LRBA: variants seen among roughly 807,000 people sequenced by gnomAD.
LRBA encodes the protein lipopolysaccharide-responsive and beige-like anchor protein.
Under a neutral mutation model 330.0 loss-of-function variants are expected in LRBA, and 176 were observed. That is an observed-to-expected ratio of 0.53 (90% confidence interval 0.47 to 0.60). The LOEUF (loss-of-function observed/expected upper bound fraction) is 0.60, where lower values mean the gene tolerates loss of function less well. LRBA is among the 20% of genes least tolerant of loss of function. The pLI is 0.00. For missense variants in LRBA, 3,259 were observed against 3,444.8 expected (o/e 0.95, Z 1.35); for synonymous variants, 1,230 against 1,193.0 (o/e 1.03, Z -0.64).
At chr4:150,324,829 G>T (rs551131002) in intron 49 of LRBA, among the ~76,000 whole-genome samples, 1 of 151,852 alleles carries the variant, frequency 6.6e-6, no homozygotes, top group Non-Finnish European at 1.5e-5. Flanking sequence ...TTTTTATGAG[G>T]GACAATTGAA....
intron 47 of LRBA, among the ~76,000 whole-genome samples, chr4:150,395,117 A>G (rs1744549414): frequency 6.6e-6 from 1 of 152,182 alleles, no homozygotes; most frequent in Non-Finnish European, 1.5e-5. Flanking sequence ...TCAATCAATT[A>G]TATGCTAATA....
At chr4:150,981,257 C>A (rs1740797899) in intron 2 of LRBA, among the ~76,000 whole-genome samples, 1 of 151,502 alleles carries the variant, frequency 6.6e-6, no homozygotes, top group African/African-American at 2.4e-5. Context: ...ACTAAAAATA[C>A]AAAAAATTAG....
At chr4:150,841,692 G>A (rs868127092) in intron 28 of LRBA, among the ~76,000 whole-genome samples, 2 of 150,050 alleles carry the variant, frequency 1.3e-5, no homozygotes, top group Non-Finnish European at 3.0e-5. Flanking sequence ...TTGCTCTGTC[G>A]CCCAGGCTGG....
intron 40 of LRBA, among the ~76,000 whole-genome samples, chr4:150,508,635 A>G (rs1002563370): frequency 6.6e-6 from 1 of 152,210 alleles, no homozygotes; most frequent in Admixed American, 6.5e-5. Context: ...AAAGAGGGTC[A>G]TTTTATAATA....
At chr4:150,592,125 T>C (rs931668009) in intron 38 of LRBA, among the ~76,000 whole-genome samples, 1 of 138,178 alleles carries the variant, frequency 7.2e-6, no homozygotes, top group East Asian at 2.2e-4. Context: ...GCTTTTGATA[T>C]GGAAATCGGA....
intron 35 of LRBA, among the ~76,000 whole-genome samples, chr4:150,758,960 G>A (rs1292023356): frequency 6.6e-6 from 1 of 151,778 alleles, no homozygotes; most frequent in Non-Finnish European, 1.5e-5. Context: ...TATCTCCCAG[G>A]CTACATTGTA....
At chr4:150,793,349 A>G (rs1740274035) in intron 34 of LRBA, among the ~76,000 whole-genome samples, 1 of 152,172 alleles carries the variant, frequency 6.6e-6, no homozygotes, top group South Asian at 2.1e-4. Context: ...ATGAAAAACC[A>G]AAGGCCCTGC....
At chr4:150,961,371 A>G (rs1040555418) in intron 2 of LRBA, among the ~76,000 whole-genome samples, 1 of 149,420 alleles carries the variant, frequency 6.7e-6, no homozygotes, top group African/African-American at 2.6e-5. Context: ...CCTTATGCAT[A>G]AGAGCTAAAG....
chr4:150,275,149 C>T (rs554981601), intron 56 of LRBA, among the ~76,000 whole-genome samples: 1 of 152,112 alleles, frequency 6.6e-6, no homozygotes, highest in Non-Finnish European at 1.5e-5. Context: ...AAAAGTAATC[C>T]ATCACATAAA....
chr4:150,487,728 G>C lies in LRBA; in HGVS notation c.6551+4C>G, dbSNP rs1758052558. ...TTCCCTAAGTTTCTCATATAAAACA[G>C]TACCTGGTTTGAGGCAATCCAAAAC... On this transcript the variant is annotated splice_donor_region_variant and intron_variant, in intron 42 of 56. Transcript: ENST00000651943. 3 of 1,575,834 alleles carry C rather than the reference G, an allele frequency of 1.9e-6. No homozygotes were observed. The Admixed American group carries it at 5.0e-5, about 27-fold the overall frequency.
At chr4:150,565,744 C>T (rs1049926851) in intron 40 of LRBA, among the ~76,000 whole-genome samples, 3 of 151,884 alleles carry the variant, frequency 2.0e-5, no homozygotes, top group Non-Finnish European at 4.4e-5. Context: ...GCTATACCAC[C>T]TAAGAGTTAT....
At chr4:150,647,851 T>G (rs1323484495) in intron 37 of LRBA, among the ~76,000 whole-genome samples, 4 of 151,878 alleles carry the variant, frequency 2.6e-5, no homozygotes, top group Non-Finnish European at 5.9e-5. Context: ...TTATTGTGGT[T>G]TATCATATTA....
At chr4:150,774,769 C>A (rs1330478828) in intron 34 of LRBA, among the ~76,000 whole-genome samples, 1 of 152,152 alleles carries the variant, frequency 6.6e-6, no homozygotes, top group African/African-American at 2.4e-5. Context: ...CCAGCTTCCC[C>A]TTCCTTCACA....
intron 36 of LRBA, among the ~76,000 whole-genome samples, chr4:150,699,831 T>C (rs1052378298): frequency 6.6e-6 from 1 of 152,188 alleles, no homozygotes; most frequent in South Asian, 2.1e-4. Flanking sequence ...AGAGTAATCA[T>C]GTCTCACTGG....
At chr4:150,872,944 T>C (rs1019605285) in intron 17 of LRBA, among the ~76,000 whole-genome samples, 189 bp from the exon 18 acceptor site, 7 of 152,098 alleles carry the variant, frequency 4.6e-5, no homozygotes, top group Non-Finnish European at 1.0e-4. Context: ...AACTAAGAAA[T>C]GAGAAGAAAT....
rs776609460 is a variant in LRBA at position 150,490,983 on chromosome 4, C to A, written c.6383G>T (p.Arg2128Leu). The stretch of plus-strand genomic sequence containing the variant: ...AAGATAACGACGAGAAAAGATTGAT[C>A]GTATCTCTGTGAACAGCCATTTTCC... ...LHGKWLFTEI[R>L]SIFSRRYLLQ... is the part of the protein sequence containing the mutation. The change falls in exon 41 of 57, where the codon CGA (arginine) becomes CTA (leucine). Residue 2128 changes from arginine (R) to leucine (L), a missense_variant. Transcript: ENST00000651943. The A allele has an allele frequency of 6.8e-6, 11 of 1,609,440 alleles. No homozygotes were observed. Among genetic ancestry groups the A allele is most frequent in the Admixed American group, 1.7e-5 (1 of 59,906 alleles).
At chr4:150,791,059 A>T (rs572643994) in intron 34 of LRBA, among the ~76,000 whole-genome samples, 18 of 152,344 alleles carry the variant, frequency 1.2e-4, no homozygotes, top group Admixed American at 2.6e-4. Flanking sequence ...TTGAAATTGA[A>T]ATTAAAATGT....
intron 37 of LRBA, among the ~76,000 whole-genome samples, chr4:150,611,207 G>A (rs1775223300): frequency 6.6e-6 from 1 of 152,092 alleles, no homozygotes; most frequent in African/African-American, 2.4e-5. Flanking sequence ...AAAGAGGATG[G>A]GAACTAAAAT....
rs1728701314 is a variant in LRBA, at chr4:150,294,354, T to A, written c.8017+8271A>T. 2.0e-5 allele frequency among the ~76,000 whole-genome samples: 3 copies of A among 152,334 alleles called. No individual in the cohort carries two copies. The East Asian group carries it at 5.8e-4, about 29-fold the overall frequency. On this transcript the variant is annotated intron_variant, in intron 53 of 56. Coordinates refer to ENST00000651943, the MANE Select transcript of LRBA (RefSeq NM_001364905.1). ...ACTTCTCTATAGCTGATATTCTAAT[T>A]AAATGTATAGTTTAGATAACTCTGA...
Sources: gnomAD v4.1 joint callset for allele counts (sites outside exome capture counted in the v4.1 genomes callset) on GRCh38, gnomAD v4.1.1 for gene constraint, MANE v1.5 for transcripts, NCBI Gene and HGNC (gene_info 2026-07-23, HGNC 2026-07-21) for gene names.